Variants in PEX5L observed in about 807,000 individuals in gnomAD.
The protein encoded by PEX5L is PEX5-related protein.
Under a neutral mutation model 84.0 loss-of-function variants are expected in PEX5L, and 30 were observed. That is an observed-to-expected ratio of 0.36 (90% CI 0.27 to 0.48). PEX5L has a LOEUF of 0.48. PEX5L is among the 20% of genes least tolerant of loss of function. The pLI, the probability that PEX5L is intolerant of heterozygous loss-of-function variation, is 0.99. For missense variants in PEX5L, 533 were observed against 754.6 expected, an observed-to-expected ratio of 0.71 and a Z score of 3.44; for synonymous variants, 270 against 283.1, an observed-to-expected ratio of 0.95 and a Z score of 0.46.
chr3:179,821,277 A>G (rs1251223464), intron 8 of PEX5L, among the ~76,000 whole-genome samples: 1 of 152,192 alleles, frequency 6.6e-6, no homozygotes, highest in African/African-American at 2.4e-5. Flanking sequence ...TTCCTTGAAC[A>G]CCTGAATCTG....
At chr3:179,955,222 T>A (rs7618937) in intron 2 of PEX5L, among the ~76,000 whole-genome samples, 1 of 152,268 alleles carries the variant, frequency 6.6e-6, no homozygotes, top group Admixed American at 6.5e-5. Context: ...GGAAGAATAA[T>A]AAGAACTAAT....
chr3:179,948,164 A>C (rs1035279499), intron 2 of PEX5L, among the ~76,000 whole-genome samples: 10 of 152,196 alleles, frequency 6.6e-5, no homozygotes, highest in African/African-American at 2.2e-4. Context: ...ATTATAAATA[A>C]ATTTCATAAA....
At chr3:179,867,050 A>G (rs563900517) in intron 7 of PEX5L, among the ~76,000 whole-genome samples, 16 of 151,050 alleles carry the variant, frequency 1.1e-4, no homozygotes, top group Admixed American at 6.0e-4. Context: ...AAGAAAAAAA[A>G]AAAAGAAAAG....
chr3:179,962,890 T>G (rs888884539), intron 2 of PEX5L, among the ~76,000 whole-genome samples: 1 of 152,228 alleles, frequency 6.6e-6, no homozygotes, highest in Non-Finnish European at 1.5e-5. Flanking sequence ...GACTAAACAT[T>G]GTGCCAGCAC....
chr3:180,010,558 T>C (rs545265546), intron 1 of PEX5L, among the ~76,000 whole-genome samples: 1 of 152,204 alleles, frequency 6.6e-6, no homozygotes, highest in East Asian at 1.9e-4. Context: ...TGTAACACGT[T>C]TGCCTGGAGA....
intron 2 of PEX5L, chr3:179,900,828 G>A (rs564417251): frequency 3.5e-5 from 27 of 776,712 alleles, no homozygotes; most frequent in African/African-American, 6.9e-5. Flanking sequence ...CCCCATGAGC[G>A]TCACTGTTTT....
At chr3:179,866,098 C>A (rs1488253640) in intron 7 of PEX5L, among the ~76,000 whole-genome samples, 3 of 152,112 alleles carry the variant, frequency 2.0e-5, no homozygotes, top group Non-Finnish European at 4.4e-5. Context: ...GTTCCCCTAA[C>A]TGTTGATTGT....
intron 2 of PEX5L, among the ~76,000 whole-genome samples, chr3:179,905,853 C>T (rs1162232060): frequency 2.0e-5 from 3 of 152,154 alleles, no homozygotes; most frequent in African/African-American, 7.2e-5. Context: ...TCTTCTGAAC[C>T]ATTTCCACAT....
At chr3:180,020,543 G>A (rs1414535269) in intron 1 of PEX5L, among the ~76,000 whole-genome samples, 1 of 151,980 alleles carries the variant, frequency 6.6e-6, no homozygotes, top group Non-Finnish European at 1.5e-5. Context: ...GATTCTACCA[G>A]TCCTTTTGTG....
At chr3:179,910,663 T>C (rs1183050875) in intron 2 of PEX5L, among the ~76,000 whole-genome samples, 1 of 152,230 alleles carries the variant, frequency 6.6e-6, no homozygotes, top group Non-Finnish European at 1.5e-5. Context: ...AGACACAGCC[T>C]GACTCGTTTC....
intron 7 of PEX5L, among the ~76,000 whole-genome samples, chr3:179,869,694 C>A (rs1749614177): frequency 6.6e-6 from 1 of 152,164 alleles, no homozygotes; most frequent in South Asian, 2.1e-4. Flanking sequence ...GAAATGCAAT[C>A]TCCTTAGAAA....
At chr3:179,986,503 C>T (rs1023441490) in intron 1 of PEX5L, among the ~76,000 whole-genome samples, 2 of 151,008 alleles carry the variant, frequency 1.3e-5, no homozygotes, top group African/African-American at 4.9e-5. Flanking sequence ...CCCGGGTTCA[C>T]GCCATTCTCC....
At chr3:179,932,092 T>C (rs1773273061) in intron 2 of PEX5L, among the ~76,000 whole-genome samples, 1 of 152,136 alleles carries the variant, frequency 6.6e-6, no homozygotes, top group Admixed American at 6.6e-5. Context: ...ATAGGTAACA[T>C]ATCATATATA....
chr3:179,827,214 A>G (rs1055017990), intron 8 of PEX5L, among the ~76,000 whole-genome samples: 7 of 152,134 alleles, frequency 4.6e-5, no homozygotes, highest in Admixed American at 4.6e-4. Flanking sequence ...ATAGAACACA[A>G]TGGGAATACC....
intron 2 of PEX5L, among the ~76,000 whole-genome samples, chr3:179,953,858 G>A (rs1048002254): frequency 5.3e-5 from 8 of 152,140 alleles, no homozygotes; most frequent in African/African-American, 1.9e-4. Flanking sequence ...TGAAAGAGCT[G>A]AAAAGGGAAA....
chr3:179,894,383 A>G (rs1758542745), intron 3 of PEX5L, among the ~76,000 whole-genome samples: 1 of 151,578 alleles, frequency 6.6e-6, no homozygotes, highest in African/African-American at 2.4e-5. Context: ...GGACTGCCCC[A>G]CCCCCCACTT....
chr3:180,031,473 A>C (rs1791460337), intron 1 of PEX5L, among the ~76,000 whole-genome samples: 1 of 152,190 alleles, frequency 6.6e-6, no homozygotes, highest in Non-Finnish European at 1.5e-5. Context: ...ATATGTTCTG[A>C]ATTATAAAAA....
chr3:179,891,722 A>T (rs780529377), intron 3 of PEX5L, among the ~76,000 whole-genome samples: 2 of 152,160 alleles, frequency 1.3e-5, no homozygotes, highest in Non-Finnish European at 2.9e-5. Flanking sequence ...TTTAGGAATG[A>T]TTATTTTAGT....
chr3:179,922,884 G>A (rs1770057370), intron 2 of PEX5L, among the ~76,000 whole-genome samples: 3 of 152,110 alleles, frequency 2.0e-5, no homozygotes, highest in African/African-American at 2.4e-5. Context: ...GATCAGCCTT[G>A]CCTTTCATGA....
Sources: allele counts gnomAD v4.1 joint callset (sites outside exome capture counted in the v4.1 genomes callset), GRCh38; gene constraint gnomAD v4.1.1; transcripts MANE v1.5; gene names NCBI Gene and HGNC (gene_info 2026-07-23, HGNC 2026-07-21).